The following MALSU1 variants were observed in gnomAD, a reference collection of about 807,000 sequenced individuals.
MALSU1 encodes the protein mitochondrial assembly of ribosomal large subunit protein 1.
A neutral mutation model predicts 22.1 loss-of-function variants in MALSU1; 22 were observed. That is an observed-to-expected ratio of 1.00 (90% confidence interval 0.71 to 1.42). The LOEUF (loss-of-function observed/expected upper bound fraction) is 1.42. MALSU1 is among the 40% of genes most tolerant of loss of function. The pLI is 0.00. For missense variants in MALSU1, 379 were observed against 308.3 expected, an observed-to-expected ratio of 1.23 and a Z score of -1.72; for synonymous variants, 153 against 118.5, an observed-to-expected ratio of 1.29 and a Z score of -1.89.
chr7:23,300,978 C>G lies in MALSU1; in HGVS notation c.396C>G (p.Thr132=), dbSNP rs181999516. ...DYFVIVSGTS[T]RHLHAMAFYV... Reference sequence around the variant, plus strand: ...TTGTGATTGTTAGTGGAACTTCTACCCGACACTTACATGCCATGGCCTTCT... The same window carrying G: ...TTGTGATTGTTAGTGGAACTTCTACGCGACACTTACATGCCATGGCCTTCT... The change falls in exon 2 of 4, where the codon ACC becomes ACG. Residue 132 remains threonine (T), a synonymous_variant. Transcript: ENST00000466681. 2.4e-5 allele frequency: 38 copies of G among 1,613,922 alleles called. No individual in the cohort carries two copies. The East Asian group carries it at 8.0e-4, about 34-fold the overall frequency.
At chr7:23,308,837 G>C (rs897114059) in intron 3 of MALSU1, among the ~76,000 whole-genome samples, 1 of 152,062 alleles carries the variant, frequency 6.6e-6, no homozygotes, top group Non-Finnish European at 1.5e-5. Context: ...TCTTGTGCAC[G>C]GTACGATGTT....
At chr7:23,303,813 GAAAAA>G (rs57849044) in intron 2 of MALSU1, among the ~76,000 whole-genome samples, 213 of 110,790 alleles carry the variant, frequency 1.9e-3, no homozygotes, top group African/African-American at 7.1e-3. Context: ...TGTCTCAAAA[GAAAAA>G]AAAAAAAAAA....
Position 23,309,704 on chromosome 7 carries a change from G to A in MALSU1, c.*161G>A. 1 of 499,666 alleles carries A rather than the reference G, an allele frequency of 2.0e-6. No individual in the cohort carries two copies. The highest frequency in any genetic ancestry group is 3.5e-6 in the Non-Finnish European group (1 of 289,468). 31.0% of individuals were successfully genotyped at this position (499,666 alleles called of 1,614,324 possible). ...ACTGGCATGCAGAGACTGTCGATAA[G>A]TGAGCTATACCTGCAACCAAAAATC... On this transcript the variant is annotated 3_prime_UTR_variant, in exon 4 of 4. Transcript: ENST00000466681.
rs1783801242 is a variant in MALSU1 at position 23,310,643 on chromosome 7, A to AC, written c.*1101dup. On this transcript the variant is annotated 3_prime_UTR_variant, in exon 4 of 4. Transcript: ENST00000466681. Reference sequence around the variant, plus strand: ...AGGAGAATCCAGTGACAAAAAGGGCACTTTTTTGGTTAAAACTACAAAAGA... The same window carrying AC: ...AGGAGAATCCAGTGACAAAAAGGGCACCTTTTTTGGTTAAAACTACAAAAGA... 6.6e-6 allele frequency: 1 copy of AC among 152,220 alleles called. No homozygotes were observed. Among genetic ancestry groups the AC allele is most frequent in the South Asian group, 2.1e-4 (1 of 4,834 alleles). 9.4% of individuals were successfully genotyped at this position (152,220 alleles called of 1,614,324 possible).
At chr7:23,303,674 G>A (rs1783686884) in intron 2 of MALSU1, among the ~76,000 whole-genome samples, 2 of 151,938 alleles carry the variant, frequency 1.3e-5, no homozygotes, top group Non-Finnish European at 2.9e-5. Context: ...GCTGGGCTTG[G>A]TGGTGTGTGC....
intron 2 of MALSU1, among the ~76,000 whole-genome samples, chr7:23,307,010 G>C (rs188355745): frequency 6.6e-6 from 1 of 152,206 alleles, no homozygotes; most frequent in East Asian, 1.9e-4. Context: ...GACTTTTGTT[G>C]GGAGATTTTT....
intron 2 of MALSU1, among the ~76,000 whole-genome samples, chr7:23,302,870 G>A (rs532846431): frequency 8.5e-5 from 13 of 152,222 alleles, no homozygotes; most frequent in African/African-American, 2.9e-4. Flanking sequence ...TCCGCCTCCC[G>A]AGTTCAAGTG....
rs189136526 is a variant in MALSU1, at chr7:23,303,260, T to G, written c.435+2243T>G. Among the ~76,000 whole-genome samples, 4 of 152,336 alleles carry G rather than the reference T, an allele frequency of 2.6e-5. No homozygotes were observed. The East Asian group carries it at 7.7e-4, about 29-fold the overall frequency. On this transcript the variant is annotated intron_variant, in intron 2 of 3. Coordinates refer to ENST00000466681, the MANE Select transcript of MALSU1 (RefSeq NM_138446.2). ...CCTGTCTCTATGAATTTGACTACTT[T>G]TCAGTATCTCATAAAAGTAGAATCA...
At position 23,300,821 on chromosome 7, in the gene MALSU1, A is replaced by G. The variant is rs1166725402; in HGVS notation, c.257-18A>G. 1.9e-6 allele frequency: 3 copies of G among 1,606,692 alleles called. No homozygotes were observed. The highest frequency in any genetic ancestry group is 2.7e-5 in the African/African-American group (2 of 74,692). ...CTGCTTGGCCATCCTGATACAAACA[A>G]CTATTTGTGCATTTCAGATCATACT... On this transcript the variant is annotated intron_variant, in intron 1 of 3. Coordinates refer to ENST00000466681, the MANE Select transcript of MALSU1 (RefSeq NM_138446.2).
rs375849242 is a variant in MALSU1 at position 23,299,368 on chromosome 7, C to T, written c.16C>T (p.Arg6Cys). The change falls in exon 1 of 4, where the codon CGT becomes TGT. Residue 6 changes from arginine to cysteine, a missense_variant. Transcript: ENST00000466681. MGPGG[R>C]VARLLAPLMW... is the part of the protein sequence containing the mutation. The stretch of plus-strand genomic sequence containing the variant: ...GGCTGCTGCTATGGGGCCGGGCGGC[C>T]GTGTGGCGCGGCTGCTCGCCCCACT... The T allele has an allele frequency of 5.3e-5, 84 of 1,582,004 alleles. No homozygotes were observed. In the African/African-American group the frequency reaches 9.9e-4, roughly 19 times the overall value.
Position 23,309,435 on chromosome 7 carries a change from T to C in MALSU1, c.597T>C (p.Tyr199=), listed in dbSNP as rs894494811. The C allele has an allele frequency of 6.2e-7, 1 of 1,613,712 alleles. No individual in the cohort carries two copies. The highest frequency in any genetic ancestry group is 1.3e-5 in the African/African-American group (1 of 74,928). The stretch of plus-strand genomic sequence containing the variant: ...AGAAATTATGGACCCTACGTTCTTA[T>C]GATGACCAGTTAGCTCAGATAGCAC... ...ELEKLWTLRS[Y]DDQLAQIAPE... Residue 199 remains tyrosine, a synonymous_variant, in exon 4 of 4, where the codon TAT becomes TAC. Coordinates refer to ENST00000466681, the MANE Select transcript of MALSU1 (RefSeq NM_138446.2).
intron 3 of MALSU1, among the ~76,000 whole-genome samples, chr7:23,308,826 C>T (rs1783760563): frequency 1.3e-5 from 2 of 152,152 alleles, no homozygotes; most frequent in Admixed American, 1.3e-4. Context: ...GGAGGGGTGT[C>T]TCTTGTGCAC....
In MALSU1 at chr7:23,299,560, C is replaced by T. The variant is rs375085279; in HGVS notation, c.208C>T (p.Arg70Trp). ...GCACAGCGAGCCTGGGCTGGAGGAG[C>T]GGGCGGAGGGGACGGTCAACGAGGG... ...GLHSEPGLEE[R>W]AEGTVNEGRP... The change falls in exon 1 of 4, where the codon CGG becomes TGG. Residue 70 changes from arginine (R) to tryptophan (W), a missense_variant. Transcript: ENST00000466681. 3.7e-5 allele frequency: 60 copies of T among 1,608,930 alleles called. No homozygotes were observed. The highest frequency in any genetic ancestry group is 2.7e-4 in the East Asian group (12 of 44,620).
chr7:23,311,336 C>A lies in MALSU1; in HGVS notation c.*1793C>A, dbSNP rs1783822361. The A allele has an allele frequency of 6.6e-6, 1 of 152,574 alleles. No individual in the cohort carries two copies. 9.5% of individuals were successfully genotyped at this position (152,574 alleles called of 1,614,324 possible). On this transcript the variant is annotated 3_prime_UTR_variant, in exon 4 of 4. Coordinates refer to ENST00000466681, the MANE Select transcript of MALSU1 (RefSeq NM_138446.2). ...GTCAGTTGAAAGTCTTGCATCTCTT[C>A]ACTGATGCACTTTCTTTAGGTATTG...
At chr7:23,308,813 G>A (rs1783760180) in intron 3 of MALSU1, among the ~76,000 whole-genome samples, 1 of 152,134 alleles carries the variant, frequency 6.6e-6, no homozygotes, top group South Asian at 2.1e-4. Context: ...TTTTGCATGT[G>A]GGGGAGGGGT....
At chr7:23,307,567 G>A (rs1783737602) in intron 2 of MALSU1, 1 of 279,040 alleles carries the variant, frequency 3.6e-6, no homozygotes, top group African/African-American at 2.2e-5. Context: ...GATGGATGTA[G>A]GTGGGTACCA....
chr7:23,300,729 T>C, intron 1 of MALSU1, 110 bp from the exon 2 acceptor site: 1 of 928,222 alleles, frequency 1.1e-6, no homozygotes, highest in East Asian at 2.4e-5. Context: ...GTAAAAACAC[T>C]TTGGATCTAA....
chr7:23,300,776 C>T, intron 1 of MALSU1, 63 bp from the exon 2 acceptor site: 2 of 1,390,568 alleles, frequency 1.4e-6, no homozygotes, highest in Non-Finnish European at 2.0e-6. Flanking sequence ...GCCGGCATCT[C>T]TGGGTGCATA....
intron 2 of MALSU1, among the ~76,000 whole-genome samples, chr7:23,302,904 GTAGGTGGGATTA>G (rs1443747843): frequency 1.3e-5 from 2 of 152,136 alleles, no homozygotes; most frequent in East Asian, 3.9e-4. Flanking sequence ...AGCCTCCTGA[GTAGGTGGGATTA>G]TAGGCACCCA....
Sources: gnomAD v4.1 joint callset for allele counts (sites outside exome capture counted in the v4.1 genomes callset) on GRCh38, gnomAD v4.1.1 for gene constraint, MANE v1.5 for transcripts, NCBI Gene and HGNC (gene_info 2026-07-23, HGNC 2026-07-21) for gene names.